Variants in TLL1 observed in about 807,000 individuals in gnomAD.
TLL1 encodes tolloid like 1.
A neutral mutation model predicts 128.2 loss-of-function variants in TLL1; 49 were observed. That is an observed-to-expected ratio of 0.38 (90% CI 0.30 to 0.48). The LOEUF (loss-of-function observed/expected upper bound fraction) is 0.48. Among genes scored for constraint, TLL1 ranks in the 20% least tolerant of loss-of-function variants. TLL1 has a pLI of 0.96. For missense variants in TLL1, 1,123 were observed against 1,242.0 expected, an observed-to-expected ratio of 0.90 and a Z score of 1.44; for synonymous variants, 454 against 418.8, an observed-to-expected ratio of 1.08 and a Z score of -1.03.
chr4:166,050,383 T>C (rs1024148507), intron 12 of TLL1, among the ~76,000 whole-genome samples: 1 of 152,186 alleles, frequency 6.6e-6, no homozygotes, highest in African/African-American at 2.4e-5. Context: ...TTGGCTATTG[T>C]GAAAATGCTG....
intron 1 of TLL1, among the ~76,000 whole-genome samples, chr4:165,893,075 A>C (rs963430552): frequency 3.3e-5 from 5 of 152,324 alleles, no homozygotes; most frequent in Non-Finnish European, 7.3e-5. Flanking sequence ...AATGATGATA[A>C]TTTTTAAACT....
rs904880791 is a variant in TLL1 at position 165,891,487 on chromosome 4, G to A, written c.169+17414G>A. Among the ~76,000 whole-genome samples the A allele has an allele frequency of 6.6e-5, 10 of 152,254 alleles. 1 individual carries two copies. Among genetic ancestry groups the A allele is most frequent in the Middle Eastern group, 3.4e-3 (1 of 294 alleles). On this transcript the variant is annotated intron_variant, in intron 1 of 20. Coordinates refer to ENST00000061240, the MANE Select transcript of TLL1 (RefSeq NM_012464.5). ...AGAGCACTCAAGTCACTTCTTGAAT[G>A]CTTTGCTGCTTAGAAATTTCTTCCA...
At chr4:165,998,746 GA>G (rs1737009281) in intron 5 of TLL1, among the ~76,000 whole-genome samples, 1 of 151,410 alleles carries the variant, frequency 6.6e-6, no homozygotes, top group Admixed American at 6.6e-5. Context: ...GCAGTGAGCC[GA>G]GATTGCACCA....
At chr4:165,898,105 CT>C (rs1400082115) in intron 1 of TLL1, among the ~76,000 whole-genome samples, 1 of 152,140 alleles carries the variant, frequency 6.6e-6, no homozygotes, top group Non-Finnish European at 1.5e-5. Context: ...GCTGAAGTTG[CT>C]TATCAGCTTA....
intron 15 of TLL1, among the ~76,000 whole-genome samples, chr4:166,061,389 G>A (rs1740307264): frequency 6.6e-6 from 1 of 152,000 alleles, no homozygotes; most frequent in African/African-American, 2.4e-5. Context: ...TGGGATTACA[G>A]GCATGCGCCA....
At chr4:166,063,639 C>T (rs1455313875) in intron 15 of TLL1, among the ~76,000 whole-genome samples, 1 of 152,120 alleles carries the variant, frequency 6.6e-6, no homozygotes, top group Non-Finnish European at 1.5e-5. Flanking sequence ...GGCACATATA[C>T]ACCATGGAAT....
chr4:166,057,466 C>G (rs1252751712), intron 14 of TLL1, among the ~76,000 whole-genome samples, 157 bp downstream of exon 14: 2 of 152,118 alleles, frequency 1.3e-5, no homozygotes, highest in East Asian at 3.9e-4. Context: ...TGATGTGAAA[C>G]CTTACCTGAA....
chr4:166,086,146 G>T (rs536550880), intron 18 of TLL1, among the ~76,000 whole-genome samples: 1 of 151,944 alleles, frequency 6.6e-6, no homozygotes, highest in African/African-American at 2.4e-5. Context: ...TTGTGTGCAT[G>T]GTGTTCATTC....
chr4:166,077,931 A>G lies in TLL1; in HGVS notation c.2343A>G (p.Pro781=). ...AGTGTGAACAGAAGATCCACAGTCC[A>G]AGTGGCCTCATCACCAGTCCCAACT... The part of the protein sequence containing the change: ...EAECEQKIHS[P]SGLITSPNWP... The change falls in exon 18 of 21, where the codon CCA becomes CCG. Residue 781 remains proline (P), a synonymous_variant. Coordinates refer to ENST00000061240, the MANE Select transcript of TLL1 (RefSeq NM_012464.5). The G allele has an allele frequency of 6.2e-7, 1 of 1,613,650 alleles. No individual in the cohort carries two copies. The highest frequency in any genetic ancestry group is 8.5e-7 in the Non-Finnish European group (1 of 1,179,740).
Position 165,921,315 on chromosome 4 carries a change from A to G in TLL1, c.169+47242A>G, listed in dbSNP as rs1733030630. On this transcript the variant is annotated intron_variant, in intron 1 of 20. Transcript: ENST00000061240. ...CCTTAGAGATGGTTGTCTTTTTTAT[A>G]CGTGTATTTTGGTTAAAGCAAGAAA... 3.9e-5 allele frequency among the ~76,000 whole-genome samples: 6 copies of G among 152,324 alleles called. No homozygotes were observed. In the South Asian group the frequency reaches 1.2e-3, roughly 32 times the overall value.
At chr4:166,014,799 TTTTAA>T (rs1385872771) in intron 8 of TLL1, among the ~76,000 whole-genome samples, 2 of 152,020 alleles carry the variant, frequency 1.3e-5, no homozygotes, top group Admixed American at 6.6e-5. Context: ...ATTTTATTTC[TTTTAA>T]TTTAATGAGT....
chr4:166,026,280 T>G (rs1188081874), intron 9 of TLL1, among the ~76,000 whole-genome samples: 1 of 152,000 alleles, frequency 6.6e-6, no homozygotes, highest in African/African-American at 2.4e-5. Flanking sequence ...TCCCAGCTAT[T>G]CCGGGGGCTG....
chr4:166,003,082 TAA>T (rs1351324377), intron 5 of TLL1, among the ~76,000 whole-genome samples: 2 of 152,210 alleles, frequency 1.3e-5, no homozygotes, highest in East Asian at 1.9e-4. Flanking sequence ...CATCATGATA[TAA>T]GTGTCATCAC....
chr4:166,044,934 T>C (rs1272489006), intron 12 of TLL1, among the ~76,000 whole-genome samples: 4 of 152,250 alleles, frequency 2.6e-5, no homozygotes, highest in Admixed American at 6.5e-5. Context: ...AGTTGATTTG[T>C]AGTTTATTTT....
intron 1 of TLL1, among the ~76,000 whole-genome samples, chr4:165,890,756 A>C (rs187642379): frequency 6.6e-6 from 1 of 152,318 alleles, no homozygotes; most frequent in Non-Finnish European, 1.5e-5. Flanking sequence ...TTCTAGGCAC[A>C]AGGTGAAAGC....
intron 17 of TLL1, among the ~76,000 whole-genome samples, chr4:166,075,734 A>G (rs1310770458): frequency 6.6e-6 from 1 of 152,166 alleles, no homozygotes; most frequent in Non-Finnish European, 1.5e-5. Context: ...GAGGAGAACT[A>G]CTAAGGCAAA....
At chr4:166,021,601 T>G (rs1266028675) in intron 8 of TLL1, among the ~76,000 whole-genome samples, 2 of 152,022 alleles carry the variant, frequency 1.3e-5, no homozygotes, top group Non-Finnish European at 2.9e-5. Flanking sequence ...CCCGGCTAAA[T>G]TTTGTATTTT....
intron 17 of TLL1, among the ~76,000 whole-genome samples, chr4:166,077,419 TTAAC>T (rs1002911590): frequency 3.3e-5 from 5 of 152,094 alleles, no homozygotes; most frequent in South Asian, 2.1e-4. Flanking sequence ...AAGTGTATAT[TTAAC>T]TAAGAGAGAG....
At position 165,967,000 on chromosome 4, in the gene TLL1, C is replaced by T. The variant is rs75793914; in HGVS notation, c.170-22381C>T. Reference sequence around the variant, plus strand: ...TACAGAAGACCAGGGCTTATTTCATCCCTTATCTGCAACCGTGTAAGACAG... The same window carrying T: ...TACAGAAGACCAGGGCTTATTTCATTCCTTATCTGCAACCGTGTAAGACAG... On this transcript the variant is annotated intron_variant, in intron 1 of 20. Coordinates refer to ENST00000061240, the MANE Select transcript of TLL1 (RefSeq NM_012464.5). 2.3e-3 allele frequency among the ~76,000 whole-genome samples: 347 copies of T among 152,314 alleles called. 6 individuals carry two copies. In the East Asian group the frequency reaches 0.043, roughly 19 times the overall value.
Sources: gnomAD v4.1 joint callset for allele counts (sites outside exome capture counted in the v4.1 genomes callset) on GRCh38, gnomAD v4.1.1 for gene constraint, MANE v1.5 for transcripts, NCBI Gene and HGNC (gene_info 2026-07-23, HGNC 2026-07-21) for gene names.